Variants in CTNNA3 observed in about 807,000 individuals in gnomAD.
CTNNA3 encodes catenin alpha-3.
In CTNNA3, 76 loss-of-function variants were observed where a neutral mutation model predicts 95.7. The observed-to-expected ratio is 0.79, with a 90% CI of 0.66 to 0.96. CTNNA3 has a LOEUF of 0.96. Among genes scored for constraint, CTNNA3 ranks in the 40% least tolerant of loss-of-function variants. The pLI is 0.00. For synonymous variants in CTNNA3, 431 were observed against 374.4 expected (o/e 1.15, Z -1.74); for missense variants, 1,191 against 1,089.8 (o/e 1.09, Z -1.31).
chr10:67,281,462 G>A (rs1196948787), intron 5 of CTNNA3, among the ~76,000 whole-genome samples: 1 of 152,080 alleles, frequency 6.6e-6, no homozygotes, highest in African/African-American at 2.4e-5. Context: ...AAATTTATTT[G>A]ATTGCAAAGC....
chr10:67,375,849 C>G (rs1481290737), intron 5 of CTNNA3, among the ~76,000 whole-genome samples: 1 of 152,102 alleles, frequency 6.6e-6, no homozygotes, highest in African/African-American at 2.4e-5. Flanking sequence ...AACAGAACAG[C>G]TTCAAGAACT....
chr10:66,191,291 C>T (rs1263608112), intron 13 of CTNNA3, among the ~76,000 whole-genome samples: 1 of 152,092 alleles, frequency 6.6e-6, no homozygotes, highest in Non-Finnish European at 1.5e-5. Flanking sequence ...TAAAATAAGA[C>T]AATCCTTCTG....
Position 66,345,801 on chromosome 10 carries a change from C to T in CTNNA3, c.1732+33351G>A, listed in dbSNP as rs11816670. On this transcript the variant is annotated intron_variant, in intron 12 of 17. Coordinates refer to ENST00000433211, the MANE Select transcript of CTNNA3 (RefSeq NM_013266.4). ...AAATATCCCACATCTGAAATAATGG[C>T]GTGGTGGCTCACACCTGTAATCCCA... Among the ~76,000 whole-genome samples, 854 of 151,888 alleles carry T rather than the reference C, an allele frequency of 5.6e-3. 8 individuals carry two copies. The highest frequency in any genetic ancestry group is 0.019 in the African/African-American group (797 of 41,462).
At chr10:66,033,611 C>T (rs2079495560) in intron 15 of CTNNA3, among the ~76,000 whole-genome samples, 1 of 151,610 alleles carries the variant, frequency 6.6e-6, no homozygotes, top group Admixed American at 6.6e-5. Context: ...GGACTGAAAG[C>T]CCCCCGAGAT....
At chr10:67,019,697 T>A (rs1852875635) in intron 7 of CTNNA3, among the ~76,000 whole-genome samples, 1 of 152,316 alleles carries the variant, frequency 6.6e-6, no homozygotes, top group African/African-American at 2.4e-5. Context: ...CCCTATGTAA[T>A]GTCATCCCTT....
intron 7 of CTNNA3, among the ~76,000 whole-genome samples, chr10:66,816,524 T>G (rs1272443820): frequency 6.6e-6 from 1 of 151,964 alleles, no homozygotes; most frequent in Non-Finnish European, 1.5e-5. Context: ...CCAGAACACA[T>G]GAGGAAAAAC....
intron 7 of CTNNA3, among the ~76,000 whole-genome samples, chr10:66,811,663 C>A (rs1247161717): frequency 6.6e-6 from 1 of 152,198 alleles, no homozygotes; most frequent in East Asian, 1.9e-4. Context: ...AGCCCTCACT[C>A]ATTTACAAAC....
At chr10:67,253,974 T>C (rs1866225660) in intron 5 of CTNNA3, among the ~76,000 whole-genome samples, 1 of 152,128 alleles carries the variant, frequency 6.6e-6, no homozygotes, top group African/African-American at 2.4e-5. Flanking sequence ...AACGGCAGTA[T>C]TCTAGGTGCT....
intron 3 of CTNNA3, among the ~76,000 whole-genome samples, chr10:67,562,697 C>T (rs4746690): frequency 0.4 from 60,433 of 151,912 alleles, 15,337 homozygotes; most frequent in African/African-American, 0.69. Flanking sequence ...GGAAGTCAAA[C>T]TGTCCCTATT....
intron 10 of CTNNA3, among the ~76,000 whole-genome samples, chr10:66,560,788 C>T (rs1338751740): frequency 6.6e-6 from 1 of 151,880 alleles, no homozygotes; most frequent in East Asian, 1.9e-4. Context: ...TTGGAGCCCT[C>T]ATAAATAGGA....
intron 15 of CTNNA3, among the ~76,000 whole-genome samples, chr10:66,007,773 CCTTCCTTT>C (rs1343675064): frequency 8.5e-4 from 96 of 113,246 alleles, no homozygotes; most frequent in Non-Finnish European, 1.2e-3. Flanking sequence ...TCCCTCTCTT[CCTTCCTTT>C]CCTCCCTTCC....
At chr10:66,801,619 T>C (rs906088737) in intron 7 of CTNNA3, among the ~76,000 whole-genome samples, 8 of 151,718 alleles carry the variant, frequency 5.3e-5, no homozygotes, top group East Asian at 1.9e-4. Flanking sequence ...GTCAAATAAA[T>C]AGATCCCTAT....
intron 13 of CTNNA3, among the ~76,000 whole-genome samples, chr10:66,233,185 A>C (rs1023658305): frequency 1.8e-5 from 2 of 111,394 alleles, no homozygotes; most frequent in Non-Finnish European, 3.9e-5. Context: ...AAAAAAAAAA[A>C]AAAAAATTTC....
intron 5 of CTNNA3, among the ~76,000 whole-genome samples, chr10:67,337,963 T>C (rs1455356414): frequency 6.6e-6 from 1 of 152,226 alleles, no homozygotes; most frequent in South Asian, 2.1e-4. Context: ...ATTTGCTTTA[T>C]TGCAGTAGTC....
At chr10:67,366,879 A>C (rs1269016724) in intron 5 of CTNNA3, among the ~76,000 whole-genome samples, 1 of 152,128 alleles carries the variant, frequency 6.6e-6, no homozygotes, top group Admixed American at 6.6e-5. Context: ...GGATTAAACT[A>C]TCCTCTAAAA....
chr10:66,553,517 C>CTTTT lies in CTNNA3; in HGVS notation c.1375-32748_1375-32745dup, dbSNP rs753973882. 7.5e-4 allele frequency among the ~76,000 whole-genome samples: 39 copies of CTTTT among 52,226 alleles called. 8 individuals carry two copies. Among genetic ancestry groups the CTTTT allele is most frequent in the South Asian group, 6.3e-3 (6 of 958 alleles). 34.3% of individuals were successfully genotyped at this position (52,226 alleles called of 152,430 possible). On this transcript the variant is annotated intron_variant, in intron 10 of 17. Transcript: ENST00000433211. The stretch of plus-strand genomic sequence containing the variant: ...AGATCTAATGATGAACAATACTTTT[C>CTTTT]TTTTTTTTTTTTTTTTTTTTTTTTT...
Position 67,182,215 on chromosome 10 carries a change from A to G in CTNNA3, c.844-1695T>C, listed in dbSNP as rs145802238. ...CTTTAAAGTTCATATGGAACCAAAA[A>G]AGAGCCCACATCAGCAAGTCAATCC... On this transcript the variant is annotated intron_variant, in intron 6 of 17. Transcript: ENST00000433211. Among the ~76,000 whole-genome samples, 3 of 152,306 alleles carry G rather than the reference A, an allele frequency of 2.0e-5. No homozygotes were observed. In the East Asian group the frequency reaches 5.8e-4, roughly 29 times the overall value.
intron 7 of CTNNA3, among the ~76,000 whole-genome samples, chr10:66,870,896 T>C (rs1478182342): frequency 6.6e-6 from 1 of 152,048 alleles, no homozygotes; most frequent in East Asian, 1.9e-4. Context: ...ACCCTCACCA[T>C]TGTCCTGAGG....
chr10:67,658,303 C>T (rs1196467114), intron 1 of CTNNA3, among the ~76,000 whole-genome samples: 1 of 152,142 alleles, frequency 6.6e-6, no homozygotes, highest in Non-Finnish European at 1.5e-5. Context: ...TATATAAAAT[C>T]CATTAACTTA....
Sources: gnomAD v4.1 joint callset for allele counts (sites outside exome capture counted in the v4.1 genomes callset) on GRCh38, gnomAD v4.1.1 for gene constraint, MANE v1.5 for transcripts, NCBI Gene and HGNC (gene_info 2026-07-23, HGNC 2026-07-21) for gene names.